The following MACF1 variants were observed in gnomAD, a reference collection of about 807,000 sequenced individuals.
MACF1 encodes the protein microtubule actin crosslinking factor 1.
MACF1 carries 193 observed loss-of-function variants against 854.8 expected under a neutral mutation model. The ratio of observed to expected loss-of-function variants is 0.23; its 90% CI spans 0.20 to 0.25. MACF1 has a LOEUF of 0.25. Among genes scored for constraint, MACF1 ranks in the 10% least tolerant of loss-of-function variants. MACF1 has a pLI of 1.00. For missense variants in MACF1, 7,722 were observed against 8,929.1 expected, an observed-to-expected ratio of 0.86 and a Z score of 5.45; for synonymous variants, 3,185 against 3,226.7, an observed-to-expected ratio of 0.99 and a Z score of 0.44.
intron 2 of MACF1, among the ~76,000 whole-genome samples, chr1:39,199,372 T>G (rs1029949154): frequency 2.0e-5 from 3 of 150,014 alleles, no homozygotes; most frequent in African/African-American, 7.3e-5. Context: ...CCAGACACAG[T>G]GGCTCACGCC....
In MACF1 at chr1:39,328,960, G is replaced by T. The variant is rs557116122; in HGVS notation, c.4614+1607G>T. ...ACTCCATGAATCTCACAAAAGAAAT[G>T]AAAAGTTCTCAAAGGGATGTTTTTC... is the stretch of plus-strand genomic sequence containing the variant. On this transcript the variant is annotated intron_variant, in intron 36 of 100. Coordinates refer to ENST00000564288, the MANE Select transcript of MACF1 (RefSeq NM_001394062.1). Among the ~76,000 whole-genome samples the T allele has an allele frequency of 3.9e-5, 6 of 152,270 alleles. No individual in the cohort carries two copies. The South Asian group carries it at 1.0e-3, about 26-fold the overall frequency.
intron 2 of MACF1, among the ~76,000 whole-genome samples, chr1:39,144,039 C>T (rs758774061): frequency 6.7e-6 from 1 of 149,428 alleles, no homozygotes; most frequent in African/African-American, 2.5e-5. Flanking sequence ...CCGCCCGCCT[C>T]GGCCACCAAG....
intron 2 of MACF1, among the ~76,000 whole-genome samples, chr1:39,178,593 A>C (rs982808322): frequency 1.3e-5 from 2 of 152,146 alleles, no homozygotes; most frequent in African/African-American, 4.8e-5. Context: ...TTTATTTTTA[A>C]ATCCATAACC....
chr1:39,300,186 T>TAC, intron 21 of MACF1, 24 bp from the exon 22 acceptor site: 2 of 1,610,874 alleles, frequency 1.2e-6, no homozygotes, highest in Non-Finnish European at 1.7e-6. Flanking sequence ...TTAATGTCAT[T>TAC]TTGTTTTTCT....
chr1:39,314,828 CATTT>C (rs1646380402), intron 26 of MACF1, among the ~76,000 whole-genome samples: 2 of 152,190 alleles, frequency 1.3e-5, no homozygotes, highest in Non-Finnish European at 1.5e-5. Context: ...TAGAGTTTAA[CATTT>C]ATTTATAGTT....
intron 2 of MACF1, among the ~76,000 whole-genome samples, chr1:39,247,245 G>A (rs1453849271): frequency 6.6e-6 from 1 of 151,642 alleles, no homozygotes; most frequent in Non-Finnish European, 1.5e-5. Context: ...GCTAATTTTT[G>A]TATTTTTAGT....
chr1:39,196,257 T>TACGGAGC (rs1185959264), intron 2 of MACF1, among the ~76,000 whole-genome samples: 7 of 152,244 alleles, frequency 4.6e-5, no homozygotes, highest in Admixed American at 4.6e-4. Context: ...TCATGGCATC[T>TACGGAGC]ATGTATACGG....
chr1:39,265,511 A>G (rs1186181489), intron 6 of MACF1, among the ~76,000 whole-genome samples: 1 of 152,218 alleles, frequency 6.6e-6, no homozygotes, highest in African/African-American at 2.4e-5. Flanking sequence ...ACTGAAAACT[A>G]TAGTTTAGCC....
intron 2 of MACF1, chr1:39,102,929 G>A (rs1401109737): frequency 1.4e-6 from 1 of 701,892 alleles, no homozygotes; most frequent in Non-Finnish European, 2.6e-6. Context: ...CAGCCGCTTT[G>A]TTCCTCTAGC....
rs541563613 is a variant in MACF1 at position 39,308,616 on chromosome 1, T to C, written c.2790-954T>C. On this transcript the variant is annotated intron_variant, in intron 23 of 100. Transcript: ENST00000564288. ...AATCAAGATTGAATTAGACATGAGATGCTTGGGAAAGAAATCTCAAACCCT... is the reference window on the plus strand; with the variant it reads ...AATCAAGATTGAATTAGACATGAGACGCTTGGGAAAGAAATCTCAAACCCT... 1.0e-3 allele frequency among the ~76,000 whole-genome samples: 152 copies of C among 152,202 alleles called. 1 individual carries two copies. The highest frequency in any genetic ancestry group is 3.5e-3 in the African/African-American group (145 of 41,552).
At chr1:39,196,714 T>G (rs1364751787) in intron 2 of MACF1, among the ~76,000 whole-genome samples, 1 of 152,246 alleles carries the variant, frequency 6.6e-6, no homozygotes, top group Non-Finnish European at 1.5e-5. Flanking sequence ...TCTGCTAAAG[T>G]TATGATGCTT....
rs182628148 is a variant in MACF1 at position 39,162,344 on chromosome 1, G to A, written c.221-68838G>A. On this transcript the variant is annotated intron_variant, in intron 2 of 93. Coordinates refer to the MACF1 transcript ENST00000361689. ...TAGATAGATTAAAAACAAAAAAGAA[G>A]TATACCCCAACATACCTATGTAATT... Among the ~76,000 whole-genome samples, 304 of 152,250 alleles carry A rather than the reference G, an allele frequency of 2.0e-3. 2 individuals are homozygous for A. The highest frequency in any genetic ancestry group is 7.1e-3 in the African/African-American group (294 of 41,566).
At chr1:39,411,689 TA>T (rs1557638581) in intron 58 of MACF1, 1 of 1,613,802 alleles carries the variant, frequency 6.2e-7, no homozygotes, top group Non-Finnish European at 8.5e-7. Flanking sequence ...AAGGAGTGTT[TA>T]TGTGAAGAAG....
Position 39,460,604 on chromosome 1 carries a change from C to G in MACF1, c.21361-28C>G. 1 of 1,611,960 alleles carries G rather than the reference C, an allele frequency of 6.2e-7. No individual in the cohort carries two copies. Among genetic ancestry groups the G allele is most frequent in the Non-Finnish European group, 8.5e-7 (1 of 1,178,258 alleles). Reference sequence around the variant, plus strand: ...GCTTTTGAGGGCCCAAAAAATAAATCTTATTGACACTTCTGATTTCTGTGT... The same window carrying G: ...GCTTTTGAGGGCCCAAAAAATAAATGTTATTGACACTTCTGATTTCTGTGT... On this transcript the variant is annotated intron_variant, in intron 91 of 100. Coordinates refer to ENST00000564288, the MANE Select transcript of MACF1 (RefSeq NM_001394062.1). This position sits in a 1 kb window ranked among gnomAD's most constrained non-coding sequence, Gnocchi z 4.1.
chr1:39,194,731 G>C (rs1368086258), intron 2 of MACF1, among the ~76,000 whole-genome samples: 1 of 120,464 alleles, frequency 8.3e-6, no homozygotes. Flanking sequence ...TTGCTCTGCT[G>C]TCTAGGCTGG....
intron 21 of MACF1, among the ~76,000 whole-genome samples, chr1:39,298,144 A>AC (rs397952319): frequency 6.6e-6 from 1 of 151,672 alleles, no homozygotes; most frequent in Non-Finnish European, 1.5e-5. Context: ...CAAAAAAAAA[A>AC]CCAACAACAA....
chr1:39,163,356 AAAAAG>A (rs1348176407), intron 2 of MACF1, among the ~76,000 whole-genome samples: 9 of 150,548 alleles, frequency 6.0e-5, no homozygotes, highest in African/African-American at 9.7e-5. Context: ...AAAAAAAAAA[AAAAAG>A]AAAAGAAAAG....
rs866827838 is a variant in MACF1 at position 39,487,081 on chromosome 1, C to T, written c.*1287C>T. The T allele has an allele frequency of 9.2e-5, 14 of 152,322 alleles. No individual in the cohort carries two copies. The highest frequency in any genetic ancestry group is 3.4e-4 in the African/African-American group (14 of 41,456). 9.4% of individuals were successfully genotyped at this position (152,322 alleles called of 1,614,324 possible). A position where few individuals can be genotyped will look rare whatever the true frequency, so the allele number is the denominator to read the frequency against. On this transcript the variant is annotated 3_prime_UTR_variant, in exon 101 of 101. Transcript: ENST00000564288. ...GTTGTAGGTACTTAAATGCATTCCG[C>T]AAATCAAAATATCTTGATGGATAAA...
intron 88 of MACF1, 113 bp downstream of exon 88, chr1:39,453,963 C>T: frequency 7.8e-7 from 1 of 1,284,384 alleles, no homozygotes; most frequent in Non-Finnish European, 1.1e-6. Flanking sequence ...AATAACTCAG[C>T]AAAAATTAAG....
Sources: gnomAD v4.1 joint callset for allele counts (sites outside exome capture counted in the v4.1 genomes callset) on GRCh38, gnomAD v4.1.1 for gene constraint, Gnocchi (gnomAD v3.1) non-coding constraint, MANE v1.5 for transcripts, NCBI Gene and HGNC (gene_info 2026-07-23, HGNC 2026-07-21) for gene names.